The following PTPRA variants were observed in gnomAD, a reference collection of about 807,000 sequenced individuals.
PTPRA encodes receptor-type tyrosine-protein phosphatase alpha.
In PTPRA, 25 loss-of-function variants were observed where a neutral mutation model predicts 104.8. The ratio of observed to expected loss-of-function variants is 0.24; its 90% CI spans 0.17 to 0.33. The LOEUF (loss-of-function observed/expected upper bound fraction) is 0.33, where lower values mean the gene tolerates loss of function less well. Ranked by LOEUF, PTPRA falls within the 10% of genes least tolerant of loss-of-function variation. PTPRA has a pLI of 1.00. For missense variants in PTPRA, 765 were observed against 1,015.3 expected (o/e 0.75, Z 3.35); for synonymous variants, 323 against 368.9 (o/e 0.88, Z 1.43).
chr20:2,936,000 CAA>C (rs529620831), intron 2 of PTPRA, among the ~76,000 whole-genome samples: 5 of 147,642 alleles, frequency 3.4e-5, no homozygotes, highest in Admixed American at 2.0e-4. Flanking sequence ...GCCTGGGCGA[CAA>C]GAGTGAAAAT....
intron 2 of PTPRA, among the ~76,000 whole-genome samples, chr20:2,946,634 G>A (rs1600153567): frequency 6.6e-6 from 1 of 152,222 alleles, no homozygotes; most frequent in East Asian, 1.9e-4. Context: ...CGGATCACAA[G>A]GTCAGGAGTT....
chr20:3,012,982 GT>G (rs1002700065), intron 11 of PTPRA, among the ~76,000 whole-genome samples: 2 of 152,056 alleles, frequency 1.3e-5, no homozygotes, highest in African/African-American at 2.4e-5. Context: ...ACAATTCAGT[GT>G]TTTTTTAAGT....
chr20:2,938,045 G>A (rs188204735), intron 2 of PTPRA, among the ~76,000 whole-genome samples: 1 of 152,158 alleles, frequency 6.6e-6, no homozygotes, highest in African/African-American at 2.4e-5. Flanking sequence ...GAGGCTGAGT[G>A]TGGTGGCTCA....
intron 2 of PTPRA, among the ~76,000 whole-genome samples, chr20:2,926,538 T>C (rs1041224480): frequency 6.6e-6 from 1 of 152,152 alleles, no homozygotes; most frequent in Admixed American, 6.6e-5. Flanking sequence ...AAAAATCCTC[T>C]TTCTAAATAA....
At position 3,004,968 on chromosome 20, in the gene PTPRA, T is replaced by C. The variant is rs2148295298; in HGVS notation, c.739-88T>C. 5 of 1,188,974 alleles carry C rather than the reference T, an allele frequency of 4.2e-6. No individual in the cohort carries two copies. In the East Asian group the frequency reaches 1.2e-4, roughly 28 times the overall value. 73.7% of individuals were successfully genotyped at this position (1,188,974 alleles called of 1,614,324 possible). On this transcript the variant is annotated intron_variant, in intron 9 of 23. Transcript: ENST00000399903. ...TTTCCCCCCAGGAAAAGGTAGAACA[T>C]GCTACCAGGTCAGGGTTTGGTGCAG... is the stretch of plus-strand genomic sequence containing the variant.
chr20:2,908,368 A>G (rs898505176), intron 1 of PTPRA, among the ~76,000 whole-genome samples: 5 of 152,190 alleles, frequency 3.3e-5, no homozygotes, highest in African/African-American at 9.7e-5. Context: ...GTTTATACAT[A>G]TACAACCAAA....
chr20:2,939,646 G>T (rs541012529), intron 2 of PTPRA, among the ~76,000 whole-genome samples: 24 of 152,168 alleles, frequency 1.6e-4, no homozygotes, highest in Non-Finnish European at 3.2e-4. Flanking sequence ...CAGAGCTTGG[G>T]CTAGGACATA....
chr20:2,914,292 T>G (rs553350723), intron 1 of PTPRA, among the ~76,000 whole-genome samples: 4 of 152,162 alleles, frequency 2.6e-5, no homozygotes, highest in Non-Finnish European at 4.4e-5. Flanking sequence ...AAGAATGTAT[T>G]TAGAGGTTAG....
At chr20:2,956,365 G>T (rs550343094) in intron 3 of PTPRA, among the ~76,000 whole-genome samples, 1 of 151,994 alleles carries the variant, frequency 6.6e-6, no homozygotes, top group Admixed American at 6.6e-5. Flanking sequence ...CTGCCTCCTC[G>T]AGCCTCATTG....
At chr20:2,936,373 G>C (rs1417469248) in intron 2 of PTPRA, among the ~76,000 whole-genome samples, 1 of 151,956 alleles carries the variant, frequency 6.6e-6, no homozygotes, top group Non-Finnish European at 1.5e-5. Flanking sequence ...ATGTTGCCCA[G>C]GCTGGTTTTG....
intron 1 of PTPRA, among the ~76,000 whole-genome samples, chr20:2,906,941 A>G (rs2059447984): frequency 6.6e-6 from 1 of 152,224 alleles, no homozygotes; most frequent in South Asian, 2.1e-4. Flanking sequence ...TGTTAAATAG[A>G]TACTGAAATA....
intron 20 of PTPRA, among the ~76,000 whole-genome samples, chr20:3,029,540 CTT>C (rs71195813): frequency 4.5e-4 from 35 of 78,052 alleles, no homozygotes; most frequent in Non-Finnish European, 3.8e-4. Flanking sequence ...TCTTCATCAT[CTT>C]TTTTTTTTTT....
chr20:2,956,823 G>A (rs1271895513), intron 3 of PTPRA, among the ~76,000 whole-genome samples: 15 of 152,134 alleles, frequency 9.9e-5, no homozygotes, highest in Non-Finnish European at 8.8e-5. Context: ...TTGAAAGTAT[G>A]GATATGTATC....
chr20:2,953,250 TTTTA>T (rs1272100560), intron 3 of PTPRA, among the ~76,000 whole-genome samples: 2 of 151,824 alleles, frequency 1.3e-5, no homozygotes, highest in Admixed American at 6.6e-5. Flanking sequence ...GGGTTTTTTA[TTTTA>T]TTTATTTATT....
Position 3,002,322 on chromosome 20 carries a change from A to ATTT in PTPRA, c.739-2715_739-2713dup, listed in dbSNP as rs5839983. Among the ~76,000 whole-genome samples the ATTT allele has an allele frequency of 1.8e-4, 21 of 116,890 alleles. 1 individual carries two copies. Among genetic ancestry groups the ATTT allele is most frequent in the African/African-American group, 5.0e-4 (16 of 31,834 alleles). The allele number at this position is 116,890 out of a possible 152,430, so 76.7% of individuals were successfully genotyped here. On this transcript the variant is annotated intron_variant, in intron 9 of 23. Coordinates refer to ENST00000399903, the MANE Select transcript of PTPRA (RefSeq NM_001385305.1). ...CTTCATTCCATCTCCAAATGTAGTAATTTTTTTTTTTTTTTTTTTTTGAGA... is the reference window on the plus strand; with the variant it reads ...CTTCATTCCATCTCCAAATGTAGTAATTTTTTTTTTTTTTTTTTTTTTTTGAGA...
intron 1 of PTPRA, among the ~76,000 whole-genome samples, chr20:2,879,569 A>T (rs1181940043): frequency 6.6e-6 from 1 of 152,104 alleles, no homozygotes; most frequent in Non-Finnish European, 1.5e-5. Context: ...CAAATGCCCC[A>T]CCCGCAGCCA....
chr20:2,886,113 C>CATTAA (rs1239864441), intron 1 of PTPRA, among the ~76,000 whole-genome samples: 2 of 152,056 alleles, frequency 1.3e-5, no homozygotes, highest in Non-Finnish European at 2.9e-5. Flanking sequence ...AAGTATAGAT[C>CATTAA]TTGTTTAGAT....
At chr20:3,007,256 G>A in intron 10 of PTPRA, 88 bp from the exon 11 acceptor site, 1 of 1,285,048 alleles carries the variant, frequency 7.8e-7, no homozygotes, top group South Asian at 1.2e-5. Flanking sequence ...GTGCACATAG[G>A]CACAGATGTC....
chr20:2,937,021 G>A (rs1173756678), intron 2 of PTPRA, among the ~76,000 whole-genome samples: 1 of 151,804 alleles, frequency 6.6e-6, no homozygotes, highest in Non-Finnish European at 1.5e-5. Flanking sequence ...GAATATATAT[G>A]TAGATAACTT....
Sources: gnomAD v4.1 joint callset for allele counts (sites outside exome capture counted in the v4.1 genomes callset) on GRCh38, gnomAD v4.1.1 for gene constraint, MANE v1.5 for transcripts, NCBI Gene and HGNC (gene_info 2026-07-23, HGNC 2026-07-21) for gene names.